The following ADAM10 variants were observed in gnomAD, a reference collection of about 807,000 sequenced individuals.
The protein encoded by ADAM10 is disintegrin and metalloproteinase domain-containing protein 10.
In ADAM10, 17 loss-of-function variants were observed where a neutral mutation model predicts 90.1. That is an observed-to-expected ratio of 0.19 (90% confidence interval 0.13 to 0.28). The LOEUF is 0.28. ADAM10 is among the 10% of genes least tolerant of loss of function. ADAM10 has a pLI of 1.00. For synonymous variants in ADAM10, 310 were observed against 298.6 expected, an observed-to-expected ratio of 1.04 and a Z score of -0.40; for missense variants, 610 against 914.3, an observed-to-expected ratio of 0.67 and a Z score of 4.29.
At chr15:58,657,161 G>C (rs577821516) in intron 5 of ADAM10, among the ~76,000 whole-genome samples, 61 of 152,128 alleles carry the variant, frequency 4.0e-4, no homozygotes, top group African/African-American at 1.3e-3. Context: ...TAAATGCCTT[G>C]AGTTAGTCTT....
At chr15:58,674,340 G>A (rs1897266024) in intron 4 of ADAM10, among the ~76,000 whole-genome samples, 1 of 152,122 alleles carries the variant, frequency 6.6e-6, no homozygotes, top group South Asian at 2.1e-4. Context: ...ATATAGTAGA[G>A]AGATTAACCA....
At chr15:58,704,174 A>G (rs2140795056) in intron 2 of ADAM10, 1 of 152,352 alleles carries the variant, frequency 6.6e-6, no homozygotes, top group African/African-American at 2.4e-5. Flanking sequence ...TCTTTCTAGC[A>G]ATGTGAGAAT....
intron 8 of ADAM10, among the ~76,000 whole-genome samples, chr15:58,636,345 T>C (rs774233597): frequency 3.9e-5 from 6 of 152,086 alleles, no homozygotes; most frequent in Non-Finnish European, 5.9e-5. Flanking sequence ...AACTTGATTA[T>C]ACAGGAAGAA....
Position 58,592,625 on chromosome 15 carries a change from AAT to A in ADAM10, c.*4920_*4921del, listed in dbSNP as rs1894846497. ...TTAAGAGACCACAATTAGGGCACTC[AAT>A]TTGACTTGCATTTGAATTATGTCTA... On this transcript the variant is annotated 3_prime_UTR_variant, in exon 16 of 16. Coordinates refer to ENST00000260408, the MANE Select transcript of ADAM10 (RefSeq NM_001110.4). 2 of 152,112 alleles carry A rather than the reference AAT, an allele frequency of 1.3e-5. No individual in the cohort carries two copies. The highest frequency in any genetic ancestry group is 4.8e-5 in the African/African-American group (2 of 41,418). The allele number at this position is 152,112 out of a possible 1,614,324, so 9.4% of individuals were successfully genotyped here.
chr15:58,689,152 A>G (rs1359715252), intron 2 of ADAM10, among the ~76,000 whole-genome samples: 1 of 152,170 alleles, frequency 6.6e-6, no homozygotes, highest in African/African-American at 2.4e-5. Flanking sequence ...CATCAAAGAG[A>G]CTGATTATAT....
At position 58,593,149 on chromosome 15, in the gene ADAM10, ATTTTT is replaced by A. The variant is rs766149223; in HGVS notation, c.*4393_*4397del. ...AAAGTAACAAAGGCCAGGTACTCAA[ATTTTT>A]TTTTTTTTTTTTTTTTTTTTTTTTT... On this transcript the variant is annotated 3_prime_UTR_variant, in exon 16 of 16. Transcript: ENST00000260408. 7.4e-4 allele frequency: 51 copies of A among 68,466 alleles called. 6 individuals carry two copies. The highest frequency in any genetic ancestry group is 5.3e-3 in the Admixed American group (25 of 4,726). 4.2% of individuals were successfully genotyped at this position (68,466 alleles called of 1,614,324 possible). A position where few individuals can be genotyped will look rare whatever the true frequency, so the allele number is the denominator to read the frequency against.
intron 10 of ADAM10, among the ~76,000 whole-genome samples, chr15:58,623,470 A>G (rs1296217419): frequency 1.3e-5 from 2 of 152,188 alleles, no homozygotes; most frequent in African/African-American, 4.8e-5. Context: ...GAGGTCATCG[A>G]AGCTTCATCC....
At chr15:58,674,745 A>C (rs1257057741) in intron 4 of ADAM10, among the ~76,000 whole-genome samples, 1 of 152,254 alleles carries the variant, frequency 6.6e-6, no homozygotes. Flanking sequence ...AGAGGCCTCC[A>C]TCTTGAAATG....
At chr15:58,704,914 C>A (rs978906622) in intron 2 of ADAM10, among the ~76,000 whole-genome samples, 1 of 152,136 alleles carries the variant, frequency 6.6e-6, no homozygotes, top group Non-Finnish European at 1.5e-5. Flanking sequence ...GAATGCCTCT[C>A]AAGCATATGA....
chr15:58,737,524 G>A (rs7176539), intron 1 of ADAM10, among the ~76,000 whole-genome samples: 9,123 of 152,034 alleles, frequency 0.06, 758 homozygotes, highest in African/African-American at 0.18. Flanking sequence ...TCCTGACTCT[G>A]GATAAGTAAC....
At chr15:58,719,861 G>T (rs1477645309) in intron 1 of ADAM10, among the ~76,000 whole-genome samples, 1 of 152,128 alleles carries the variant, frequency 6.6e-6, no homozygotes, top group Non-Finnish European at 1.5e-5. Context: ...AAGACTCACA[G>T]ATTAAATGAT....
At chr15:58,725,259 G>A (rs917681487) in intron 1 of ADAM10, among the ~76,000 whole-genome samples, 1 of 151,662 alleles carries the variant, frequency 6.6e-6, no homozygotes, top group Non-Finnish European at 1.5e-5. Context: ...AATTAGGCAT[G>A]GTAGTGCATG....
At chr15:58,688,539 T>G (rs1897673709) in intron 2 of ADAM10, among the ~76,000 whole-genome samples, 1 of 151,636 alleles carries the variant, frequency 6.6e-6, no homozygotes, top group African/African-American at 2.4e-5. Context: ...AAAGTGAGAA[T>G]GAATGATAAC....
chr15:58,666,152 T>C (rs1346195063), intron 4 of ADAM10, among the ~76,000 whole-genome samples: 1 of 151,528 alleles, frequency 6.6e-6, no homozygotes, highest in African/African-American at 2.4e-5. Context: ...TACCACCTTA[T>C]TGTCTATCAC....
chr15:58,653,848 T>A (rs1304238570), intron 5 of ADAM10, among the ~76,000 whole-genome samples: 1 of 152,200 alleles, frequency 6.6e-6, no homozygotes, highest in Non-Finnish European at 1.5e-5. Flanking sequence ...TCCCAGACTT[T>A]TCTTTACTGG....
intron 1 of ADAM10, among the ~76,000 whole-genome samples, chr15:58,727,893 T>A (rs1899092541): frequency 6.6e-6 from 1 of 152,020 alleles, no homozygotes; most frequent in Non-Finnish European, 1.5e-5. Flanking sequence ...CTTCAAAGTA[T>A]GTGAAGAAAA....
At chr15:58,673,648 AATGCATAAT>A (rs1167042522) in intron 4 of ADAM10, among the ~76,000 whole-genome samples, 2 of 152,038 alleles carry the variant, frequency 1.3e-5, no homozygotes, top group South Asian at 2.1e-4. Flanking sequence ...CGTAATATGA[AATGCATAAT>A]ATGCATAATA....
At chr15:58,702,289 T>C (rs746366115) in intron 2 of ADAM10, among the ~76,000 whole-genome samples, 9 of 152,096 alleles carry the variant, frequency 5.9e-5, no homozygotes, top group Non-Finnish European at 1.2e-4. Flanking sequence ...TACCAGTGGC[T>C]AGCAAGGGTG....
intron 2 of ADAM10, among the ~76,000 whole-genome samples, chr15:58,687,528 G>A (rs1304962831): frequency 4.6e-5 from 7 of 151,066 alleles, no homozygotes; most frequent in African/African-American, 1.5e-4. Context: ...CATTATTTGT[G>A]TTTGTAACAG....
Sources: allele counts gnomAD v4.1 joint callset (sites outside exome capture counted in the v4.1 genomes callset), GRCh38; gene constraint gnomAD v4.1.1; transcripts MANE v1.5; gene names NCBI Gene and HGNC (gene_info 2026-07-23, HGNC 2026-07-21).